Variants in KRT37 observed in about 807,000 individuals in gnomAD.
KRT37 encodes keratin 37.
KRT37 carries 38 observed loss-of-function variants against 41.9 expected under a neutral mutation model. That is an observed-to-expected ratio of 0.91 (90% CI 0.70 to 1.19). KRT37 has a LOEUF of 1.19. Among genes scored for constraint, KRT37 ranks in the 50% most tolerant of loss-of-function variants. The pLI is 0.00. For synonymous variants in KRT37, 252 were observed against 243.4 expected (o/e 1.04, Z -0.33); for missense variants, 580 against 575.5 (o/e 1.01, Z -0.08).
rs377761548 is a variant in KRT37, at chr17:41,423,855, C to T, written c.493-11G>A. 119 of 1,614,074 alleles carry T rather than the reference C, an allele frequency of 7.4e-5. No individual in the cohort carries two copies. Among genetic ancestry groups the T allele is most frequent in the Non-Finnish European group, 7.4e-5 (87 of 1,179,948 alleles). On this transcript the variant is annotated splice_polypyrimidine_tract_variant and intron_variant, in intron 1 of 6. Coordinates refer to ENST00000225550, the MANE Select transcript of KRT37 (RefSeq NM_003770.5). ...CTTGCTGCACAGGATCTGAGGAAAA[C>T]GGAAAGACGGTTCACACACAAAGCA...
intron 3 of KRT37, 85 bp downstream of exon 3, chr17:41,422,693 G>C: frequency 7.3e-7 from 1 of 1,364,104 alleles, no homozygotes; most frequent in African/African-American, 1.4e-5. Context: ...GCTGAGCCCA[G>C]GCAATGCTCT....
At position 41,423,710 on chromosome 17, in the gene KRT37, T is replaced by G. The variant is rs1305941437; in HGVS notation, c.575+52A>C. 10 of 1,558,686 alleles carry G rather than the reference T, an allele frequency of 6.4e-6. No homozygotes were observed. The African/African-American group carries it at 1.1e-4, about 17-fold the overall frequency. ...ATAGACTGAGTAATGGGGCGGGCCCTTGGAAATACAGCAGGAGAGAAGTCA... is the reference window on the plus strand; with the variant it reads ...ATAGACTGAGTAATGGGGCGGGCCCGTGGAAATACAGCAGGAGAGAAGTCA... On this transcript the variant is annotated intron_variant, in intron 2 of 6. Transcript: ENST00000225550.
In KRT37 at chr17:41,423,894, T is replaced by A. The variant is rs202227767; in HGVS notation, c.493-50A>T. ...ACACACAAAGCACCATACTCTAAGCTCCCACTCCATGTGTGGTATTTACGC... is the reference window on the plus strand; with the variant it reads ...ACACACAAAGCACCATACTCTAAGCACCCACTCCATGTGTGGTATTTACGC... On this transcript the variant is annotated intron_variant, in intron 1 of 6. Transcript: ENST00000225550. The A allele has an allele frequency of 1.4e-3, 2,269 of 1,609,616 alleles. 2 individuals are homozygous for A. Among genetic ancestry groups the A allele is most frequent in the Non-Finnish European group, 1.8e-3 (2,148 of 1,176,002 alleles).
rs377623576 is a variant in KRT37 at position 41,421,623 on chromosome 17, G to A, written c.1021-36C>T. Reference sequence around the variant, plus strand: ...AAATAATGGGGTAAGAGATCCAGGTGCCCCAAAACTCAGCAGTGAAAATCA... The same window carrying A: ...AAATAATGGGGTAAGAGATCCAGGTACCCCAAAACTCAGCAGTGAAAATCA... On this transcript the variant is annotated intron_variant, in intron 5 of 6. Transcript: ENST00000225550. 3.1e-6 allele frequency: 5 copies of A among 1,590,812 alleles called. No homozygotes were observed. The East Asian group carries it at 1.1e-4, about 36-fold the overall frequency.
In KRT37 at chr17:41,422,743, G is replaced by A. The variant is rs756313029; in HGVS notation, c.732+35C>T. ...CGGGGAGCTCCCCTGTCTGCCCAGC[G>A]CCCTCCCCAGGAGTCTGAGCAGCCA... On this transcript the variant is annotated intron_variant, in intron 3 of 6. Transcript: ENST00000225550. The A allele has an allele frequency of 2.2e-5, 33 of 1,510,048 alleles. 2 individuals carry two copies. The Middle Eastern group carries it at 9.1e-4, about 42-fold the overall frequency. 93.5% of individuals were successfully genotyped at this position (1,510,048 alleles called of 1,614,324 possible).
chr17:41,423,582 A>G, intron 2 of KRT37, 180 bp downstream of exon 2: 1 of 594,880 alleles, frequency 1.7e-6, no homozygotes, highest in South Asian at 2.4e-5. Context: ...CAATGCTTAT[A>G]TTCTCTTTCC....
chr17:41,422,613 G>C (rs2018556547), intron 3 of KRT37, among the ~76,000 whole-genome samples, 165 bp downstream of exon 3: 1 of 152,100 alleles, frequency 6.6e-6, no homozygotes, highest in African/African-American at 2.4e-5. Flanking sequence ...TCATGCCCAA[G>C]GCAAGTCTGC....
Position 41,422,285 on chromosome 17 carries a change from C to T in KRT37, c.882G>A (p.Trp294Ter). 4 of 1,614,116 alleles carry T rather than the reference C, an allele frequency of 2.5e-6. No individual in the cohort carries two copies. In the South Asian group the frequency reaches 4.4e-5, roughly 18 times the overall value. Residue 294 changes from tryptophan (W) to a stop codon, truncating the protein, a stop_gained, in exon 4 of 7, where the codon TGG becomes TGA. Coordinates refer to ENST00000225550, the MANE Select transcript of KRT37 (RefSeq NM_003770.5). LOFTEE classifies it high-confidence loss of function. The stretch of plus-strand genomic sequence containing the variant: ...AACCCCCACTCACCTGGGCTTGGAA[C>T]CACTGTTCCACATCCTGGTGGTTGG... ...VETNHQDVEQ[W>*]FQAQSEGISL...
In KRT37 at chr17:41,421,473, C is replaced by A. The variant is rs763897969; in HGVS notation, c.1135G>T (p.Asp379Tyr). Residue 379 changes from aspartate (D) to tyrosine (Y), a missense_variant, in exon 6 of 7, where the codon GAC (aspartate) becomes TAC (tyrosine). By Grantham distance (160) the Asp-to-Tyr change is radical. Transcript: ENST00000225550. ...TACTCCTGGTTCTGCCGCTCCAGGT[C>A]GGCCCGGATCTCAGACAACTGCTCT... ...LEEQLSEIRA[D>Y]LERQNQEYQV... is the part of the protein sequence containing the mutation. 4 of 1,614,104 alleles carry A rather than the reference C, an allele frequency of 2.5e-6. No individual in the cohort carries two copies. Among genetic ancestry groups the A allele is most frequent in the African/African-American group, 2.7e-5 (2 of 74,926 alleles).
In KRT37 at chr17:41,423,791, C is replaced by T. The variant is rs778746683; in HGVS notation, c.546G>A (p.Ala182=). The change falls in exon 2 of 7, where the codon GCG becomes GCA. Residue 182 remains alanine, a synonymous_variant. Coordinates refer to ENST00000225550, the MANE Select transcript of KRT37 (RefSeq NM_003770.5). Reference sequence around the variant, plus strand: ...TCCTAAAGTCATCAGCAGCCAGCTTCGCGTTGTCAATTTGTACAATCAGCC... The same window carrying T: ...TCCTAAAGTCATCAGCAGCCAGCTTTGCGTTGTCAATTTGTACAATCAGCC... ...NARLIVQIDN[A]KLAADDFRIK... 16 of 1,614,226 alleles carry T rather than the reference C, an allele frequency of 9.9e-6. No homozygotes were observed. Among genetic ancestry groups the T allele is most frequent in the South Asian group, 6.6e-5 (6 of 91,088 alleles).
Position 41,424,291 on chromosome 17 carries a change from G to A in KRT37, c.233C>T (p.Pro78Leu), listed in dbSNP as rs558344812. ...CLPPTSHTACPLPGTCHIPGN... is the reference protein window; with the variant it reads ...CLPPTSHTACLLPGTCHIPGN... ...GGGAATGTGACAGGTCCCTGGCAAG[G>A]GACAAGCAGTGTGACTGGTTGGGGG... Residue 78 changes from proline (P) to leucine (L), a missense_variant, in exon 1 of 7, where the codon CCC (proline) becomes CTC (leucine). By Grantham distance (98) the Pro-to-Leu change is moderately conservative. Coordinates refer to ENST00000225550, the MANE Select transcript of KRT37 (RefSeq NM_003770.5). 8.1e-6 allele frequency: 13 copies of A among 1,614,224 alleles called. No individual in the cohort carries two copies. In the East Asian group the frequency reaches 2.9e-4, roughly 36 times the overall value.
Position 41,424,128 on chromosome 17 carries a change from C to T in KRT37, c.396G>A (p.Leu132=), listed in dbSNP as rs773883118. 6.2e-6 allele frequency: 10 copies of T among 1,614,250 alleles called. No homozygotes were observed. The Admixed American group carries it at 1.3e-4, about 22-fold the overall frequency. The change falls in exon 1 of 7, where the codon CTG becomes CTA. Residue 132 remains leucine, a synonymous_variant. Coordinates refer to ENST00000225550, the MANE Select transcript of KRT37 (RefSeq NM_003770.5). ...VRQLEQENAE[L]ETTLLERSKC... ...TGCTCCTCTCGAGGAGTGTGGTCTC[C>T]AGCTCTGCATTCTCCTGCTCCAGCT...
intron 6 of KRT37, 102 bp downstream of exon 6, chr17:41,421,265 C>A: frequency 8.0e-7 from 1 of 1,254,706 alleles, no homozygotes; most frequent in South Asian, 1.3e-5. Flanking sequence ...CACAGGAAGG[C>A]TTGTTTGTTA....
intron 5 of KRT37, 35 bp downstream of exon 5, chr17:41,422,034 G>T (rs182666649): frequency 2.5e-4 from 402 of 1,613,906 alleles, no homozygotes; most frequent in Non-Finnish European, 3.3e-4. Flanking sequence ...ATGGCATGGG[G>T]CATTTGCAGT....
Position 41,422,439 on chromosome 17 carries a change from A to G in KRT37, c.733-5T>C. The G allele has an allele frequency of 1.2e-6, 2 of 1,614,046 alleles. No individual in the cohort carries two copies. Among genetic ancestry groups the G allele is most frequent in the Non-Finnish European group, 1.7e-6 (2 of 1,179,938 alleles). ...ACTCCTCAGAATCTTTACTTCCTGC[A>G]GAAATGGAAGCGATAGACAGCCTGC... On this transcript the variant is annotated splice_polypyrimidine_tract_variant and splice_region_variant and intron_variant, in intron 3 of 6. Transcript: ENST00000225550.
At chr17:41,421,056 G>A (rs1335257616) in intron 6 of KRT37, 70 bp from the exon 7 acceptor site, 1 of 1,247,978 alleles carries the variant, frequency 8.0e-7, no homozygotes, top group Admixed American at 1.9e-5. Flanking sequence ...GTAAGATCAG[G>A]GTGAAGGCTG....
chr17:41,421,708 C>G, intron 5 of KRT37, 121 bp from the exon 6 acceptor site: 1 of 920,736 alleles, frequency 1.1e-6, no homozygotes, highest in Non-Finnish European at 1.7e-6. Context: ...TCTCAGAGCT[C>G]TGGAGAAATC....
chr17:41,421,624 C>T (rs774198263), intron 5 of KRT37, 37 bp from the exon 6 acceptor site: 22 of 1,591,414 alleles, frequency 1.4e-5, no homozygotes, highest in Non-Finnish European at 1.9e-5. Flanking sequence ...GATCCAGGTG[C>T]CCCAAAACTC....
chr17:41,423,215 G>A, intron 2 of KRT37: 1 of 390,600 alleles, frequency 2.6e-6, no homozygotes, highest in African/African-American at 2.1e-5. Flanking sequence ...TTCAAATGCA[G>A]CATTTATTCT....
Sources: gnomAD v4.1 joint callset for allele counts (sites outside exome capture counted in the v4.1 genomes callset) on GRCh38, gnomAD v4.1.1 for gene constraint, MANE v1.5 for transcripts, NCBI Gene and HGNC (gene_info 2026-07-23, HGNC 2026-07-21) for gene names.